Variants in CTNNA2 observed in about 807,000 individuals in gnomAD.
CTNNA2 encodes the protein catenin alpha 2.
A neutral mutation model predicts 101.0 loss-of-function variants in CTNNA2; 42 were observed. The ratio of observed to expected loss-of-function variants is 0.42; its 90% CI spans 0.32 to 0.54. The LOEUF is 0.54. Among genes scored for constraint, CTNNA2 ranks in the 20% least tolerant of loss-of-function variants. The pLI is 0.14. For missense variants in CTNNA2, 871 were observed against 1,223.1 expected (o/e 0.71, Z 4.29); for synonymous variants, 450 against 456.4 (o/e 0.99, Z 0.18).
At chr2:79,191,757 G>A (rs1276137405) in intron 1 of CTNNA2, among the ~76,000 whole-genome samples, 1 of 152,106 alleles carries the variant, frequency 6.6e-6, no homozygotes, top group Non-Finnish European at 1.5e-5. Context: ...GTTACAGGAG[G>A]GGCTAGGAAT....
intron 7 of CTNNA2, among the ~76,000 whole-genome samples, chr2:80,142,797 C>G (rs1169136360): frequency 6.6e-6 from 1 of 152,130 alleles, no homozygotes. Flanking sequence ...ACTGGCCTAA[C>G]CAGAAACAGA....
chr2:80,474,629 C>G (rs187618148), intron 9 of CTNNA2, among the ~76,000 whole-genome samples: 1 of 152,088 alleles, frequency 6.6e-6, no homozygotes, highest in Admixed American at 6.6e-5. Flanking sequence ...TTTTTATTAT[C>G]TAGATAATGA....
intron 9 of CTNNA2, among the ~76,000 whole-genome samples, chr2:80,467,769 T>C (rs1160376086): frequency 6.6e-6 from 1 of 152,166 alleles, no homozygotes; most frequent in Non-Finnish European, 1.5e-5. Flanking sequence ...TTCTTATGAA[T>C]GGGATTAGTA....
intron 8 of CTNNA2, among the ~76,000 whole-genome samples, chr2:80,414,550 C>A (rs1409842096): frequency 2.0e-5 from 3 of 152,104 alleles, no homozygotes; most frequent in Non-Finnish European, 4.4e-5. Flanking sequence ...GCTTAAATGG[C>A]CAAAACACTT....
At chr2:79,587,156 A>G (rs1341524089) in intron 1 of CTNNA2, among the ~76,000 whole-genome samples, 1 of 151,796 alleles carries the variant, frequency 6.6e-6, no homozygotes, top group Non-Finnish European at 1.5e-5. Flanking sequence ...TTTTTATGTA[A>G]TGACTTATTT....
chr2:80,522,228 G>T (rs1195285755), intron 9 of CTNNA2, among the ~76,000 whole-genome samples: 1 of 152,136 alleles, frequency 6.6e-6, no homozygotes, highest in Non-Finnish European at 1.5e-5. Context: ...CAGGGTGATT[G>T]GTAGTTAGTG....
At chr2:79,914,560 T>C (rs1293989321) in intron 7 of CTNNA2, among the ~76,000 whole-genome samples, 1 of 152,188 alleles carries the variant, frequency 6.6e-6, no homozygotes, top group Non-Finnish European at 1.5e-5. Context: ...TTCAATTTTA[T>C]ATGCATAAAC....
intron 2 of CTNNA2, among the ~76,000 whole-genome samples, chr2:79,248,591 G>A (rs73938149): frequency 0.036 from 5,467 of 152,114 alleles, 265 homozygotes; most frequent in African/African-American, 0.11. Flanking sequence ...GTCCTGCCCC[G>A]TAGTCTGTGC....
At chr2:79,199,510 T>C (rs1465612303) in intron 2 of CTNNA2, among the ~76,000 whole-genome samples, 1 of 152,204 alleles carries the variant, frequency 6.6e-6, no homozygotes, top group Non-Finnish European at 1.5e-5. Flanking sequence ...ACAACTGATA[T>C]AGCCCTTTTT....
At chr2:79,235,038 A>G (rs1399437913) in intron 2 of CTNNA2, among the ~76,000 whole-genome samples, 2 of 152,120 alleles carry the variant, frequency 1.3e-5, no homozygotes, top group African/African-American at 2.4e-5. Context: ...AGTCATCTCA[A>G]TCTAGCTAAT....
At chr2:80,235,878 G>A (rs915602732) in intron 7 of CTNNA2, among the ~76,000 whole-genome samples, 3 of 152,100 alleles carry the variant, frequency 2.0e-5, no homozygotes, top group Admixed American at 6.6e-5. Flanking sequence ...TGTGTCATGG[G>A]GGTTTGTTAT....
chr2:80,254,346 T>C (rs532092173), intron 7 of CTNNA2, among the ~76,000 whole-genome samples: 26 of 152,272 alleles, frequency 1.7e-4, no homozygotes, highest in African/African-American at 5.3e-4. Flanking sequence ...GAAATTTGCA[T>C]TGAAGAGGGC....
chr2:79,332,369 A>G (rs961176117), intron 3 of CTNNA2, among the ~76,000 whole-genome samples: 4 of 152,108 alleles, frequency 2.6e-5, no homozygotes, highest in Admixed American at 6.6e-5. Flanking sequence ...GAAATAAGGA[A>G]TAAACTCTGG....
chr2:79,497,153 A>G (rs983622248), intron 4 of CTNNA2, among the ~76,000 whole-genome samples: 1 of 152,220 alleles, frequency 6.6e-6, no homozygotes, highest in Non-Finnish European at 1.5e-5. Context: ...GCCATCCCAC[A>G]GTCCCACATG....
At chr2:80,446,102 A>T (rs1574059460) in intron 9 of CTNNA2, among the ~76,000 whole-genome samples, 1 of 152,218 alleles carries the variant, frequency 6.6e-6, no homozygotes, top group Non-Finnish European at 1.5e-5. Flanking sequence ...GTTAATTAAA[A>T]ATAAGTGTGG....
chr2:80,138,296 A>G (rs538740586), intron 7 of CTNNA2, among the ~76,000 whole-genome samples: 10 of 152,240 alleles, frequency 6.6e-5, no homozygotes, highest in African/African-American at 2.2e-4. Flanking sequence ...AAGGCAGTTA[A>G]TGATTGACAG....
intron 7 of CTNNA2, among the ~76,000 whole-genome samples, chr2:79,912,383 C>T (rs1257861199): frequency 2.6e-5 from 4 of 152,170 alleles, no homozygotes; most frequent in South Asian, 2.1e-4. Context: ...GACTTAGCCA[C>T]GTAGCTTCCA....
intron 1 of CTNNA2, among the ~76,000 whole-genome samples, chr2:79,540,744 T>G (rs1265595318): frequency 1.3e-5 from 2 of 152,074 alleles, no homozygotes; most frequent in Admixed American, 6.5e-5. Flanking sequence ...CGCTTATACA[T>G]TTAAAAAAGA....
At chr2:80,307,515 C>T (rs766202525) in intron 7 of CTNNA2, among the ~76,000 whole-genome samples, 56 of 151,236 alleles carry the variant, frequency 3.7e-4, no homozygotes, top group Non-Finnish European at 6.9e-4. Context: ...TTTTTTCTTT[C>T]CTCCTGCTTA....
Sources: gnomAD v4.1 joint callset for allele counts (sites outside exome capture counted in the v4.1 genomes callset) on GRCh38, gnomAD v4.1.1 for gene constraint, MANE v1.5 for transcripts, NCBI Gene and HGNC (gene_info 2026-07-23, HGNC 2026-07-21) for gene names.